CAST: variants seen among roughly 807,000 people sequenced by gnomAD.
CAST encodes MIR583 host.
Under a neutral mutation model 119.6 loss-of-function variants are expected in CAST, and 76 were observed. That is an observed-to-expected ratio of 0.64 (90% confidence interval 0.53 to 0.77). CAST has a LOEUF of 0.77. CAST is among the 30% of genes least tolerant of loss of function. The pLI, the probability that CAST is intolerant of heterozygous loss-of-function variation, is 0.00. For missense variants in CAST, 953 were observed against 946.5 expected (o/e 1.01, Z -0.09); for synonymous variants, 319 against 331.6 (o/e 0.96, Z 0.41).
the CAST span, among the ~76,000 whole-genome samples, chr5:95,968,659 CTTT>C: frequency 1.2e-3 from 189 of 152,208 alleles, no homozygotes; most frequent in African/African-American, 4.4e-3. Flanking sequence ...CAGAAGACTT[CTTT>C]GTTTTGACTT....
the CAST span, among the ~76,000 whole-genome samples, chr5:96,234,124 T>C: frequency 7.9e-5 from 12 of 152,168 alleles, no homozygotes; most frequent in African/African-American, 2.9e-4. Context: ...ATGTAAATTT[T>C]CCTCTCAAGT....
the CAST span, among the ~76,000 whole-genome samples, chr5:95,991,371 G>A: frequency 6.6e-6 from 1 of 151,988 alleles, no homozygotes; most frequent in Non-Finnish European, 1.5e-5. Context: ...ATACTCTAAA[G>A]GTATTTTAAG....
At chr5:96,639,026 C>G (rs868970) in intron 1 of CAST, among the ~76,000 whole-genome samples, 7,602 of 152,258 alleles carry the variant, frequency 0.05, 356 homozygotes, top group African/African-American at 0.12. Flanking sequence ...TCTTTTCCAT[C>G]TTTTGATATT....
chr5:96,242,548 A>G, the CAST span, among the ~76,000 whole-genome samples: 1 of 152,164 alleles, frequency 6.6e-6, no homozygotes, highest in South Asian at 2.1e-4. Context: ...CAATTAAGAG[A>G]CTATGTACTG....
intron 30 of CAST, among the ~76,000 whole-genome samples, chr5:96,771,190 C>A (rs1457271947): frequency 6.6e-6 from 1 of 152,128 alleles, no homozygotes; most frequent in Non-Finnish European, 1.5e-5. Flanking sequence ...GCCATTATAT[C>A]TCAGTTTAAA....
At chr5:96,295,996 T>C in the CAST span, among the ~76,000 whole-genome samples, 1 of 152,210 alleles carries the variant, frequency 6.6e-6, no homozygotes, top group African/African-American at 2.4e-5. Flanking sequence ...TGTACTTTAC[T>C]ATATTTTTCA....
the CAST span, among the ~76,000 whole-genome samples, chr5:95,977,018 T>C: frequency 6.6e-6 from 1 of 152,216 alleles, no homozygotes; most frequent in African/African-American, 2.4e-5. Context: ...AGTAGCATGA[T>C]GATGATGTTA....
chr5:96,666,098 G>A (rs1749299961), intron 1 of CAST, among the ~76,000 whole-genome samples: 1 of 152,072 alleles, frequency 6.6e-6, no homozygotes, highest in Non-Finnish European at 1.5e-5. Flanking sequence ...TCAAAATTTA[G>A]GCAGAATAAA....
At chr5:96,529,794 C>T (rs1023465518), upstream of CAST, 2 of 439,108 alleles carry the variant, frequency 4.6e-6, no homozygotes, top group African/African-American at 4.1e-5. Flanking sequence ...CTTTGCTGGG[C>T]ATTCATTCTG....
the CAST span, among the ~76,000 whole-genome samples, chr5:96,314,880 T>G: frequency 6.6e-6 from 1 of 152,198 alleles, no homozygotes; most frequent in Non-Finnish European, 1.5e-5. Context: ...CCCTTTAAAT[T>G]TGCAATATAG....
the CAST span, among the ~76,000 whole-genome samples, chr5:96,063,159 A>G: frequency 6.6e-6 from 1 of 152,264 alleles, no homozygotes; most frequent in Non-Finnish European, 1.5e-5. Flanking sequence ...TGTGCTGTCC[A>G]CATCCTCCCT....
At chr5:96,759,177 TC>T (rs1160884121) in intron 24 of CAST, among the ~76,000 whole-genome samples, 1 of 152,162 alleles carries the variant, frequency 6.6e-6, no homozygotes, top group Non-Finnish European at 1.5e-5. Flanking sequence ...TAACTAATCA[TC>T]ATGAGAACCA....
the CAST span, among the ~76,000 whole-genome samples, chr5:95,972,481 A>G: frequency 1.3e-5 from 2 of 151,996 alleles, no homozygotes; most frequent in African/African-American, 4.8e-5. Context: ...AATGACTAGT[A>G]ATATAGACCA....
At chr5:96,071,921 G>A in the CAST span, among the ~76,000 whole-genome samples, 2 of 152,096 alleles carry the variant, frequency 1.3e-5, no homozygotes, top group African/African-American at 4.8e-5. Flanking sequence ...TGTTGAAGCT[G>A]ACCGGTACAT....
At chr5:96,123,054 C>T in the CAST span, among the ~76,000 whole-genome samples, 1 of 152,004 alleles carries the variant, frequency 6.6e-6, no homozygotes, top group South Asian at 2.1e-4. Context: ...TGTGAATTAA[C>T]TGAACTAATG....
the CAST span, among the ~76,000 whole-genome samples, chr5:95,979,009 C>T: frequency 1.3e-5 from 2 of 152,082 alleles, no homozygotes; most frequent in East Asian, 3.9e-4. Context: ...GAACTGGTGG[C>T]AGTATCCAAA....
chr5:96,287,192 C>A, the CAST span, among the ~76,000 whole-genome samples: 1 of 152,024 alleles, frequency 6.6e-6, no homozygotes, highest in Non-Finnish European at 1.5e-5. Flanking sequence ...AACTACGCTA[C>A]CCAATTTATT....
At chr5:95,971,942 TGTTTATTTC>T in the CAST span, among the ~76,000 whole-genome samples, 2 of 151,788 alleles carry the variant, frequency 1.3e-5, no homozygotes, top group Non-Finnish European at 2.9e-5. Flanking sequence ...ATGTCTTCTT[TGTTTATTTC>T]TTTTATTTCT....
At chr5:96,548,016 C>G (rs575711058) in intron 1 of CAST, among the ~76,000 whole-genome samples, 2 of 152,306 alleles carry the variant, frequency 1.3e-5, no homozygotes, top group South Asian at 4.1e-4. Flanking sequence ...TGAGCTAAGA[C>G]TCCGTCTATT....
Sources: allele counts gnomAD v4.1 joint callset (sites outside exome capture counted in the v4.1 genomes callset), GRCh38; gene constraint gnomAD v4.1.1; transcripts MANE v1.5; gene names NCBI Gene and HGNC (gene_info 2026-07-23, HGNC 2026-07-21).